PTPRC: variants seen among roughly 807,000 people sequenced by gnomAD.
PTPRC encodes the protein protein tyrosine phosphatase receptor type C.
In PTPRC, 44 loss-of-function variants were observed where a neutral mutation model predicts 155.9. The ratio of observed to expected loss-of-function variants is 0.28; its 90% CI spans 0.22 to 0.36. PTPRC has a LOEUF of 0.36. Among genes scored for constraint, PTPRC ranks in the 10% least tolerant of loss-of-function variants. The probability of loss-of-function intolerance (pLI) is 1.00; values close to 1 mark genes in which losing one functional copy is unlikely to be tolerated. For missense variants in PTPRC, 1,401 were observed against 1,564.6 expected (o/e 0.90, Z 1.76); for synonymous variants, 525 against 533.1 (o/e 0.98, Z 0.21).
chr1:198,715,497 G>A (rs1003872564), intron 12 of PTPRC, among the ~76,000 whole-genome samples: 5 of 152,070 alleles, frequency 3.3e-5, no homozygotes, highest in African/African-American at 9.7e-5. Flanking sequence ...AAGCTTCTTG[G>A]TAATTGGGGA....
chr1:198,749,952 G>A (rs939819883), intron 28 of PTPRC, among the ~76,000 whole-genome samples: 8 of 151,770 alleles, frequency 5.3e-5, no homozygotes, highest in African/African-American at 1.9e-4. Flanking sequence ...ATTATTAGGT[G>A]AGTCTGTGTC....
chr1:198,652,452 G>A (rs1332055019), intron 2 of PTPRC, among the ~76,000 whole-genome samples: 1 of 151,748 alleles, frequency 6.6e-6, no homozygotes, highest in African/African-American at 2.4e-5. Context: ...TAATCTAGTT[G>A]TGTGTAAGCA....
Position 198,685,980 on chromosome 1 carries a change from C to T in PTPRC, c.74-6367C>T, listed in dbSNP as rs557438029. On this transcript the variant is annotated intron_variant, in intron 2 of 32. Transcript: ENST00000442510. ...TTTTTTTTTTAGCGGGGAGGGAGAA[C>T]GGGTGATATTTAAAGCCCAAGTATG... 4.7e-5 allele frequency among the ~76,000 whole-genome samples: 7 copies of T among 150,524 alleles called. 1 individual carries two copies. In the South Asian group the frequency reaches 1.0e-3, roughly 22 times the overall value.
Position 198,750,518 on chromosome 1 carries a change from T to G in PTPRC, c.3099T>G (p.Ile1033Met). 1.9e-6 allele frequency: 3 copies of G among 1,612,642 alleles called. No individual in the cohort carries two copies. Among genetic ancestry groups the G allele is most frequent in the Non-Finnish European group, 2.5e-6 (3 of 1,179,034 alleles). ...IMSYWKPEVM[I>M]AAQGPLKETI... ...GCTACTGGAAACCTGAAGTGATGAT[T>G]GCTGCTCAGGGACCACTGAAGGAGA... The change falls in exon 29 of 33, where the codon ATT (isoleucine) becomes ATG (methionine). Residue 1033 changes from isoleucine (I) to methionine (M), a missense_variant. By Grantham distance (10) the Ile-to-Met change is conservative. Coordinates refer to ENST00000442510, the MANE Select transcript of PTPRC (RefSeq NM_002838.5).
intron 2 of PTPRC, among the ~76,000 whole-genome samples, chr1:198,676,136 T>G (rs1010266350): frequency 6.6e-6 from 1 of 152,238 alleles, no homozygotes; most frequent in Non-Finnish European, 1.5e-5. Context: ...CAAGCCAGTT[T>G]TATTTAATTC....
chr1:198,672,085 C>T (rs1211985092), intron 2 of PTPRC, among the ~76,000 whole-genome samples: 1 of 152,148 alleles, frequency 6.6e-6, no homozygotes, highest in East Asian at 1.9e-4. Flanking sequence ...CCTAAAGTTA[C>T]ATCTGGGTTG....
At chr1:198,661,622 CTTAA>C (rs1229504790) in intron 2 of PTPRC, among the ~76,000 whole-genome samples, 1 of 152,002 alleles carries the variant, frequency 6.6e-6, no homozygotes, top group East Asian at 1.9e-4. Flanking sequence ...ACTCATAACA[CTTAA>C]TTAATATTAT....
Position 198,649,284 on chromosome 1 carries a change from A to G in PTPRC, c.73+9943A>G, listed in dbSNP as rs569396638. Among the ~76,000 whole-genome samples the G allele has an allele frequency of 2.1e-3, 315 of 151,902 alleles. 3 individuals are homozygous for G. The highest frequency in any genetic ancestry group is 6.1e-3 in the Admixed American group (93 of 15,196). On this transcript the variant is annotated intron_variant, in intron 2 of 32. Transcript: ENST00000442510. ...ATTTTAACTATGCTTACTAAACTCT[A>G]TGTATTTCTACTTTCCAATGACCCA... is the stretch of plus-strand genomic sequence containing the variant.
chr1:198,752,083 TAA>T (rs1482397252), intron 29 of PTPRC, among the ~76,000 whole-genome samples, 164 bp from the exon 30 acceptor site: 1 of 152,060 alleles, frequency 6.6e-6, no homozygotes, highest in Non-Finnish European at 1.5e-5. Context: ...CGCCAGCACT[TAA>T]ATAGATTCTG....
chr1:198,704,567 T>C lies in PTPRC; in HGVS notation c.685+69T>C, dbSNP rs1666629929. 1.9e-6 allele frequency: 3 copies of C among 1,612,924 alleles called. No homozygotes were observed. The South Asian group carries it at 3.3e-5, about 18-fold the overall frequency. Reference sequence around the variant, plus strand: ...GCACTTTAATTACATCTTTCTTTATTCCAAGCTTTCAGGACCCACTAGTAA... The same window carrying C: ...GCACTTTAATTACATCTTTCTTTATCCCAAGCTTTCAGGACCCACTAGTAA... On this transcript the variant is annotated intron_variant, in intron 8 of 32. Coordinates refer to ENST00000442510, the MANE Select transcript of PTPRC (RefSeq NM_002838.5).
intron 20 of PTPRC, among the ~76,000 whole-genome samples, chr1:198,733,687 T>C (rs1410037604): frequency 6.6e-6 from 1 of 151,836 alleles, no homozygotes; most frequent in African/African-American, 2.4e-5. Flanking sequence ...AAAGTTATTA[T>C]ATCTCTTATC....
At chr1:198,716,874 A>T (rs1653615471) in intron 13 of PTPRC, 34 bp downstream of exon 13, 2 of 1,605,576 alleles carry the variant, frequency 1.2e-6, no homozygotes, top group Non-Finnish European at 1.7e-6. Flanking sequence ...CTTTCCATAA[A>T]TGGTAAAAAG....
chr1:198,694,000 G>A, intron 3 of PTPRC: 1 of 1,546,082 alleles, frequency 6.5e-7, no homozygotes, highest in Non-Finnish European at 8.7e-7. Context: ...ACAATCACGA[G>A]GTGAATTCCC....
chr1:198,711,533 C>A (rs1433999762), intron 11 of PTPRC, among the ~76,000 whole-genome samples: 4 of 152,054 alleles, frequency 2.6e-5, no homozygotes, highest in African/African-American at 7.2e-5. Context: ...TTAAAAAATT[C>A]TAATCAAAGA....
chr1:198,713,596 T>TAAA (rs534011863), intron 12 of PTPRC, among the ~76,000 whole-genome samples: 1 of 144,826 alleles, frequency 6.9e-6, no homozygotes, highest in Admixed American at 6.9e-5. Flanking sequence ...GTAATGCAAT[T>TAAA]AAAAAAAAAA....
intron 2 of PTPRC, among the ~76,000 whole-genome samples, chr1:198,683,463 G>A (rs2102338728): frequency 6.6e-6 from 1 of 152,160 alleles, no homozygotes; most frequent in South Asian, 2.1e-4. Context: ...TATATCCCTG[G>A]ATTTAGGTAA....
intron 23 of PTPRC, among the ~76,000 whole-genome samples, chr1:198,741,536 T>C (rs1367139796): frequency 6.6e-6 from 1 of 151,880 alleles, no homozygotes; most frequent in Non-Finnish European, 1.5e-5. Flanking sequence ...TATGTTTATT[T>C]TGGGTTTTTT....
At chr1:198,680,256 C>T (rs934326138) in intron 2 of PTPRC, among the ~76,000 whole-genome samples, 1 of 152,174 alleles carries the variant, frequency 6.6e-6, no homozygotes, top group Non-Finnish European at 1.5e-5. Context: ...AGTTCGAGAC[C>T]AGCCTGGACA....
At chr1:198,755,379 C>A (rs1461316620) in intron 32 of PTPRC, among the ~76,000 whole-genome samples, 1 of 152,022 alleles carries the variant, frequency 6.6e-6, no homozygotes, top group Non-Finnish European at 1.5e-5. Flanking sequence ...GATTTCATAT[C>A]TTGGTACTTA....
Sources: allele counts gnomAD v4.1 joint callset (sites outside exome capture counted in the v4.1 genomes callset), GRCh38; gene constraint gnomAD v4.1.1; transcripts MANE v1.5; gene names NCBI Gene and HGNC (gene_info 2026-07-23, HGNC 2026-07-21).